The following C1orf105 variants were observed in gnomAD, a reference collection of about 807,000 sequenced individuals.
C1orf105 encodes chromosome 1 open reading frame 105, also known as uncharacterized protein C1orf105.
In C1orf105, 17 loss-of-function variants were observed where a neutral mutation model predicts 20.8. The ratio of observed to expected loss-of-function variants is 0.82; its 90% CI spans 0.56 to 1.23. The LOEUF (loss-of-function observed/expected upper bound fraction) is 1.23. C1orf105 is among the 50% of genes most tolerant of loss of function. The pLI is 0.00. For synonymous variants in C1orf105, 72 were observed against 72.1 expected, an observed-to-expected ratio of 1.00 and a Z score of 0.01; for missense variants, 219 against 213.5, an observed-to-expected ratio of 1.03 and a Z score of -0.16.
At chr1:172,454,945 T>G (rs1649073685) in intron 3 of C1orf105, among the ~76,000 whole-genome samples, 1 of 152,176 alleles carries the variant, frequency 6.6e-6, no homozygotes, top group Non-Finnish European at 1.5e-5. Context: ...GTATTCTTCT[T>G]TTGTCTTCCT....
intron 1 of C1orf105, chr1:172,430,440 A>T: frequency 1.7e-6 from 1 of 600,838 alleles, no homozygotes; most frequent in South Asian, 2.0e-5. Flanking sequence ...TTTTTCTTAA[A>T]CCTTTTTTTA....
rs1204965295 is a variant in C1orf105 at position 172,420,813 on chromosome 1, T to C, written c.-73T>C. ...CAGGTTCTCCACAGCAGTCTTCCAC[T>C]GGCCACAGTGAGGGGAGCTAGGTTT... is the stretch of plus-strand genomic sequence containing the variant. On this transcript the variant is annotated 5_prime_UTR_variant, in exon 1 of 7. Coordinates refer to ENST00000367727, the MANE Select transcript of C1orf105 (RefSeq NM_139240.4). The C allele has an allele frequency of 6.7e-6, 10 of 1,502,128 alleles. No homozygotes were observed. The highest frequency in any genetic ancestry group is 1.4e-5 in the African/African-American group (1 of 72,096). 93.0% of individuals were successfully genotyped at this position (1,502,128 alleles called of 1,614,324 possible).
intron 1 of C1orf105, chr1:172,442,416 C>G: frequency 6.2e-7 from 1 of 1,614,046 alleles, no homozygotes; most frequent in South Asian, 1.1e-5. Context: ...ACCAGATAAC[C>G]ACAAAAACAC....
intron 1 of C1orf105, chr1:172,444,417 T>G: frequency 1.9e-6 from 1 of 521,014 alleles, no homozygotes; most frequent in Non-Finnish European, 2.5e-6. Flanking sequence ...ATTCCACAGA[T>G]ACTGATTGAA....
intron 6 of C1orf105, among the ~76,000 whole-genome samples, chr1:172,466,137 G>T (rs1650035894): frequency 6.6e-6 from 1 of 152,028 alleles, no homozygotes; most frequent in Non-Finnish European, 1.5e-5. Flanking sequence ...GAGGTTGCAG[G>T]GGAACTAGAG....
intron 1 of C1orf105, among the ~76,000 whole-genome samples, chr1:172,435,991 T>C (rs1288695267): frequency 1.3e-5 from 2 of 152,192 alleles, no homozygotes; most frequent in South Asian, 2.1e-4. Flanking sequence ...CCATTCACAA[T>C]TGCTACAAAG....
At chr1:172,421,989 T>C (rs1268531966) in intron 1 of C1orf105, among the ~76,000 whole-genome samples, 3 of 152,182 alleles carry the variant, frequency 2.0e-5, no homozygotes, top group African/African-American at 7.2e-5. Flanking sequence ...AACTGAGTTT[T>C]GACTACCTCC....
chr1:172,420,833 A>G lies in C1orf105; in HGVS notation c.-53A>G. ...TCCACTGGCCACAGTGAGGGGAGCT[A>G]GGTTTCCCCAGTCTCCAGCTAGAAA... is the stretch of plus-strand genomic sequence containing the variant. On this transcript the variant is annotated 5_prime_UTR_variant, in exon 1 of 7. Coordinates refer to ENST00000367727, the MANE Select transcript of C1orf105 (RefSeq NM_139240.4). 1.9e-6 allele frequency: 3 copies of G among 1,580,780 alleles called. No individual in the cohort carries two copies. In the South Asian group the frequency reaches 3.3e-5, roughly 18 times the overall value.
intron 1 of C1orf105, among the ~76,000 whole-genome samples, chr1:172,426,881 A>G (rs2071737529): frequency 6.6e-6 from 1 of 152,090 alleles, no homozygotes; most frequent in African/African-American, 2.4e-5. Flanking sequence ...CCTTCTCTCA[A>G]TTTGTTAAAA....
At chr1:172,454,449 G>C (rs2285174) in intron 3 of C1orf105, among the ~76,000 whole-genome samples, 39,573 of 151,672 alleles carry the variant, frequency 0.26, 5,541 homozygotes, top group East Asian at 0.35. Flanking sequence ...ATCACCCCCA[G>C]GGGTATCAGG....
rs750507601 is a variant in C1orf105, at chr1:172,442,463, C to T, written c.22-2610C>T. 1.9e-6 allele frequency: 3 copies of T among 1,614,044 alleles called. No homozygotes were observed. In the African/African-American group the frequency reaches 4.0e-5, roughly 22 times the overall value. On this transcript the variant is annotated intron_variant, in intron 1 of 6. Coordinates refer to ENST00000367727, the MANE Select transcript of C1orf105 (RefSeq NM_139240.4). ...AGCTGCTGGATCACCACACTGGACTCAAATACCACAGCCCAATATTGGTAT... is the reference window on the plus strand; with the variant it reads ...AGCTGCTGGATCACCACACTGGACTTAAATACCACAGCCCAATATTGGTAT...
At chr1:172,450,172 C>G (rs753115330) in intron 3 of C1orf105, among the ~76,000 whole-genome samples, 2 of 152,226 alleles carry the variant, frequency 1.3e-5, no homozygotes, top group Admixed American at 6.5e-5. Flanking sequence ...CCGGCTGACC[C>G]GTGAGAAGTC....
At chr1:172,443,850 A>G (rs533755045) in intron 1 of C1orf105, 17 of 526,508 alleles carry the variant, frequency 3.2e-5, no homozygotes, top group Admixed American at 2.5e-4. Flanking sequence ...GTGCGCCTTC[A>G]CTCTTCTGGC....
intron 3 of C1orf105, chr1:172,452,878 T>C (rs1371652564): frequency 2.0e-6 from 3 of 1,468,354 alleles, no homozygotes; most frequent in East Asian, 2.5e-5. Context: ...AACCAGAGCA[T>C]TGTACTGTGA....
intron 1 of C1orf105, chr1:172,442,393 T>C: frequency 6.2e-7 from 1 of 1,613,768 alleles, no homozygotes; most frequent in Non-Finnish European, 8.5e-7. Context: ...CAGAAGACCC[T>C]CATCCATATA....
chr1:172,437,757 TAAAC>T (rs2072089248), intron 1 of C1orf105, among the ~76,000 whole-genome samples: 1 of 145,734 alleles, frequency 6.9e-6, no homozygotes, highest in East Asian at 2.0e-4. Context: ...ATAATAATAA[TAAAC>T]AAAACGATTT....
rs530597804 is a variant in C1orf105, at chr1:172,433,501, C to T, written c.22-11572C>T. On this transcript the variant is annotated intron_variant, in intron 1 of 6. Transcript: ENST00000367727. ...ACCCAGAACTTCATATCCAGCCAAA[C>T]TAAGCTTCATAAGTGAAGGAGAAAT... Among the ~76,000 whole-genome samples, 7 of 152,268 alleles carry T rather than the reference C, an allele frequency of 4.6e-5. No homozygotes were observed. In the South Asian group the frequency reaches 1.5e-3, roughly 32 times the overall value.
chr1:172,446,299 C>T (rs973829183), intron 2 of C1orf105, among the ~76,000 whole-genome samples: 8 of 152,148 alleles, frequency 5.3e-5, no homozygotes, highest in African/African-American at 1.7e-4. Context: ...GTTAACACTG[C>T]ATGGATCAGC....
chr1:172,425,337 A>G (rs1193904283), intron 1 of C1orf105, among the ~76,000 whole-genome samples: 1 of 152,232 alleles, frequency 6.6e-6, no homozygotes, highest in African/African-American at 2.4e-5. Flanking sequence ...CCTCTGGGGA[A>G]TTATCTCATT....
Sources: gnomAD v4.1 joint callset for allele counts (sites outside exome capture counted in the v4.1 genomes callset) on GRCh38, gnomAD v4.1.1 for gene constraint, MANE v1.5 for transcripts, NCBI Gene and HGNC (gene_info 2026-07-23, HGNC 2026-07-21) for gene names.